CNTN3: variants seen among roughly 807,000 people sequenced by gnomAD.
CNTN3 encodes contactin-3.
CNTN3 carries 60 observed loss-of-function variants against 119.1 expected under a neutral mutation model. That is an observed-to-expected ratio of 0.50 (90% CI 0.41 to 0.62). The LOEUF is 0.62. CNTN3 is among the 20% of genes least tolerant of loss of function. The probability of loss-of-function intolerance (pLI) is 0.00; values close to 1 mark genes in which losing one functional copy is unlikely to be tolerated. For synonymous variants in CNTN3, 450 were observed against 438.7 expected (o/e 1.03, Z -0.32); for missense variants, 1,101 against 1,242.4 (o/e 0.89, Z 1.71).
chr3:74,370,433 T>C lies in CNTN3; in HGVS notation c.659-442A>G, dbSNP rs150573783. Among the ~76,000 whole-genome samples the C allele has an allele frequency of 5.6e-3, 845 of 152,164 alleles. 4 individuals carry two copies. Among genetic ancestry groups the C allele is most frequent in the Non-Finnish European group, 9.6e-3 (654 of 67,984 alleles). On this transcript the variant is annotated intron_variant, in intron 6 of 22. Coordinates refer to ENST00000263665, the MANE Select transcript of CNTN3 (RefSeq NM_020872.3). ...GCTAGTCAAACTGAAATATATAATATATTATTGCTTCCTGAAATTTCCCTA... is the reference window on the plus strand; with the variant it reads ...GCTAGTCAAACTGAAATATATAATACATTATTGCTTCCTGAAATTTCCCTA...
rs546371276 is a variant in CNTN3 at position 74,410,919 on chromosome 3, C to G, written c.454+13926G>C. On this transcript the variant is annotated intron_variant, in intron 5 of 22. Transcript: ENST00000263665. ...TCATAATGATATAGTAAAGAAATGA[C>G]CCACTAACGTATCAATAAGTGAACA... 3.3e-5 allele frequency among the ~76,000 whole-genome samples: 5 copies of G among 152,238 alleles called. No homozygotes were observed. The South Asian group carries it at 6.2e-4, about 19-fold the overall frequency.
chr3:74,511,540 G>A (rs188631324), intron 2 of CNTN3, among the ~76,000 whole-genome samples: 2 of 152,160 alleles, frequency 1.3e-5, no homozygotes, highest in Admixed American at 1.3e-4. Context: ...GCGTGGTGGT[G>A]TGCCTGTAGT....
At chr3:74,414,877 CTTT>C (rs71129747) in intron 5 of CNTN3, among the ~76,000 whole-genome samples, 3 of 117,108 alleles carry the variant, frequency 2.6e-5, no homozygotes, top group Non-Finnish European at 5.1e-5. Context: ...TTCCTATAGT[CTTT>C]TTTTTTTTTT....
At position 74,298,515 on chromosome 3, in the gene CNTN3, A is replaced by G. The variant is rs145976173; in HGVS notation, c.2167-324T>C. On this transcript the variant is annotated intron_variant, in intron 17 of 22. Transcript: ENST00000263665. Reference sequence around the variant, plus strand: ...TCAGTTGAAAATATCTGATCTCTTAAGCCAAATAAAAATTATCTAATTCTT... The same window carrying G: ...TCAGTTGAAAATATCTGATCTCTTAGGCCAAATAAAAATTATCTAATTCTT... Among the ~76,000 whole-genome samples the G allele has an allele frequency of 5.2e-3, 795 of 152,282 alleles. 7 individuals carry two copies. The highest frequency in any genetic ancestry group is 0.015 in the African/African-American group (638 of 41,552).
At chr3:74,470,781 T>G (rs1702545306) in intron 4 of CNTN3, among the ~76,000 whole-genome samples, 1 of 152,170 alleles carries the variant, frequency 6.6e-6, no homozygotes, top group African/African-American at 2.4e-5. Flanking sequence ...TCTCAAAAAA[T>G]ATACTGGTCT....
intron 2 of CNTN3, among the ~76,000 whole-genome samples, chr3:74,507,201 A>T (rs1703277450): frequency 6.6e-6 from 1 of 152,124 alleles, no homozygotes. Flanking sequence ...GGAGGATCAT[A>T]GGAAGCCAAG....
intron 5 of CNTN3, among the ~76,000 whole-genome samples, chr3:74,403,157 C>T (rs146447178): frequency 2.6e-5 from 4 of 151,882 alleles, no homozygotes; most frequent in Non-Finnish European, 4.4e-5. Context: ...CTAACTCTGA[C>T]GATGGTATGG....
At chr3:74,344,661 G>A (rs896985694) in intron 11 of CNTN3, among the ~76,000 whole-genome samples, 6 of 151,762 alleles carry the variant, frequency 4.0e-5, no homozygotes, top group Non-Finnish European at 8.8e-5. Flanking sequence ...AGGTTTCACC[G>A]TGTTAGCTAG....
chr3:74,344,619 A>G (rs923344373), intron 11 of CNTN3, among the ~76,000 whole-genome samples: 1 of 151,064 alleles, frequency 6.6e-6, no homozygotes, highest in Admixed American at 6.6e-5. Flanking sequence ...CACCACGCCC[A>G]GCTAATTTCT....
At chr3:74,406,910 C>G (rs1406922461) in intron 5 of CNTN3, among the ~76,000 whole-genome samples, 2 of 152,134 alleles carry the variant, frequency 1.3e-5, no homozygotes, top group East Asian at 3.9e-4. Flanking sequence ...CATGTACTTA[C>G]TAATTCTTTT....
rs144601280 is a variant in CNTN3 at position 74,447,387 on chromosome 3, C to T, written c.359-22447G>A. 1.0e-3 allele frequency among the ~76,000 whole-genome samples: 154 copies of T among 152,266 alleles called. 5 individuals carry two copies. The East Asian group carries it at 0.028, about 28-fold the overall frequency. ...TTGCCTCCCATTAGCTAAAACCACCCAAAAGCCAGAAGGCAAGAGATGTAA... is the reference window on the plus strand; with the variant it reads ...TTGCCTCCCATTAGCTAAAACCACCTAAAAGCCAGAAGGCAAGAGATGTAA... On this transcript the variant is annotated intron_variant, in intron 4 of 22. Transcript: ENST00000263665.
chr3:74,443,414 T>C (rs987528006), intron 4 of CNTN3, among the ~76,000 whole-genome samples: 1 of 152,200 alleles, frequency 6.6e-6, no homozygotes, highest in Non-Finnish European at 1.5e-5. Context: ...CCATCCAGTC[T>C]ACCAACTGTG....
At chr3:74,558,748 G>A (rs1164392523) in intron 1 of CNTN3, among the ~76,000 whole-genome samples, 9 of 152,048 alleles carry the variant, frequency 5.9e-5, no homozygotes, top group Admixed American at 2.0e-4. Flanking sequence ...TTGGGAGGCC[G>A]AGGCAGGCAA....
intron 20 of CNTN3, among the ~76,000 whole-genome samples, chr3:74,280,635 G>A (rs1701985791): frequency 6.6e-6 from 1 of 152,248 alleles, no homozygotes; most frequent in South Asian, 2.1e-4. Flanking sequence ...CCATGGAGCA[G>A]AGACAGTGAT....
At chr3:74,514,197 C>T (rs77641058) in intron 2 of CNTN3, among the ~76,000 whole-genome samples, 2 of 152,186 alleles carry the variant, frequency 1.3e-5, no homozygotes, top group African/African-American at 4.8e-5. Context: ...AATTGGACAA[C>T]TGAATTTGTA....
Position 74,301,826 on chromosome 3 carries a change from A to C in CNTN3, c.1787-21T>G, listed in dbSNP as rs750624538. 1.3e-5 allele frequency: 21 copies of C among 1,612,044 alleles called. 1 individual carries two copies. The South Asian group carries it at 2.3e-4, about 18-fold the overall frequency. ...TGAACCTAAGGAAGGCACAAATGGA[A>C]ACATTGAGTAGCAGTTCCATAAATG... On this transcript the variant is annotated intron_variant, in intron 14 of 22. Transcript: ENST00000263665.
intron 1 of CNTN3, among the ~76,000 whole-genome samples, chr3:74,574,537 A>G (rs1348194650): frequency 6.6e-6 from 1 of 152,234 alleles, no homozygotes; most frequent in Non-Finnish European, 1.5e-5. Flanking sequence ...GTTTAGTTTA[A>G]TAAAACACAA....
chr3:74,281,853 T>G (rs755353888), intron 20 of CNTN3, among the ~76,000 whole-genome samples: 92 of 152,154 alleles, frequency 6.0e-4, no homozygotes, highest in Admixed American at 1.4e-3. Context: ...TTTATTAAAT[T>G]TGAGATCTTA....
At chr3:74,319,229 C>T (rs1307555851) in intron 13 of CNTN3, among the ~76,000 whole-genome samples, 1 of 152,148 alleles carries the variant, frequency 6.6e-6, no homozygotes, top group African/African-American at 2.4e-5. Context: ...CCCAAAAGAA[C>T]AAAGCCAGAG....
Sources: allele counts gnomAD v4.1 joint callset (sites outside exome capture counted in the v4.1 genomes callset), GRCh38; gene constraint gnomAD v4.1.1; transcripts MANE v1.5; gene names NCBI Gene and HGNC (gene_info 2026-07-23, HGNC 2026-07-21).